Variants in CALN1 observed in about 807,000 individuals in gnomAD.
CALN1 encodes the protein calneuron 1, also known as calcium-binding protein 8.
CALN1 carries 17 observed loss-of-function variants against 30.6 expected under a neutral mutation model. That is an observed-to-expected ratio of 0.56 (90% CI 0.38 to 0.83). The LOEUF is 0.83. Among genes scored for constraint, CALN1 ranks in the 40% least tolerant of loss-of-function variants. The pLI is 0.00. For missense variants in CALN1, 291 were observed against 354.9 expected, an observed-to-expected ratio of 0.82 and a Z score of 1.45; for synonymous variants, 156 against 131.4, an observed-to-expected ratio of 1.19 and a Z score of -1.28.
intron 2 of CALN1, among the ~76,000 whole-genome samples, chr7:72,287,463 T>G (rs964112522): frequency 5.2e-5 from 4 of 76,958 alleles, no homozygotes; most frequent in Admixed American, 4.7e-4. Flanking sequence ...TTTTTTTTTT[T>G]GAGACAGAGT....
At chr7:72,346,999 AAG>A (rs539899151) in intron 2 of CALN1, among the ~76,000 whole-genome samples, 140 of 152,304 alleles carry the variant, frequency 9.2e-4, no homozygotes, top group Non-Finnish European at 1.5e-3. Flanking sequence ...GAATAGAGAA[AAG>A]AGAGTAAGAG....
intron 4 of CALN1, among the ~76,000 whole-genome samples, chr7:72,068,442 A>G (rs908455920): frequency 2.0e-5 from 3 of 152,186 alleles, no homozygotes; most frequent in Non-Finnish European, 4.4e-5. Context: ...GATTGTAATC[A>G]TGGCTTATTG....
chr7:72,093,435 T>C (rs1310594951), intron 4 of CALN1, among the ~76,000 whole-genome samples: 1 of 152,210 alleles, frequency 6.6e-6, no homozygotes, highest in Non-Finnish European at 1.5e-5. Flanking sequence ...TGAGATTGGT[T>C]TGCTTGCCTC....
the CALN1 span, among the ~76,000 whole-genome samples, chr7:72,460,919 G>A: frequency 6.6e-6 from 1 of 152,160 alleles, no homozygotes; most frequent in African/African-American, 2.4e-5. Context: ...CTGAGTCTGG[G>A]TTCAGCTCCA....
At chr7:72,088,358 T>C (rs1328767610) in intron 4 of CALN1, among the ~76,000 whole-genome samples, 2 of 152,012 alleles carry the variant, frequency 1.3e-5, no homozygotes, top group Admixed American at 6.6e-5. Context: ...AACTTAACAA[T>C]ATTAAACCCT....
chr7:72,224,943 A>T (rs2129550177), intron 3 of CALN1, among the ~76,000 whole-genome samples: 1 of 151,846 alleles, frequency 6.6e-6, no homozygotes, highest in South Asian at 2.1e-4. Context: ...ACACACAAAA[A>T]AAAAATTAGC....
At chr7:72,441,717 A>C (rs926499594) in intron 1 of CALN1, among the ~76,000 whole-genome samples, 8 of 151,504 alleles carry the variant, frequency 5.3e-5, no homozygotes, top group African/African-American at 1.9e-4. Flanking sequence ...AGAAGGAAGC[A>C]CCTCCCTCCC....
intron 5 of CALN1, among the ~76,000 whole-genome samples, chr7:71,965,313 G>A (rs563503749): frequency 6.6e-6 from 1 of 152,140 alleles, no homozygotes; most frequent in South Asian, 2.1e-4. Context: ...TGACAGGTGT[G>A]AGCCACCATG....
In CALN1 at chr7:71,821,901, C is replaced by T. The variant is rs970952853; in HGVS notation, c.502-11409G>A. 2.0e-5 allele frequency among the ~76,000 whole-genome samples: 3 copies of T among 151,616 alleles called. No homozygotes were observed. In the South Asian group the frequency reaches 6.3e-4, roughly 32 times the overall value. ...CTCCTGGGCTCAAGCAATTCTCCCACCTCAGCCTCCTGAGTAGCTGGGACT... is the reference window on the plus strand; with the variant it reads ...CTCCTGGGCTCAAGCAATTCTCCCATCTCAGCCTCCTGAGTAGCTGGGACT... On this transcript the variant is annotated intron_variant, in intron 5 of 6. Coordinates refer to ENST00000395275, the MANE Select transcript of CALN1 (RefSeq NM_031468.4).
At chr7:72,276,668 A>G (rs558048590) in intron 3 of CALN1, among the ~76,000 whole-genome samples, 1 of 152,230 alleles carries the variant, frequency 6.6e-6, no homozygotes, top group Admixed American at 6.5e-5. Flanking sequence ...CTATTATAAA[A>G]GTGAGTTTAG....
rs1207574403 is a variant in CALN1 at position 71,815,822 on chromosome 7, TCCTC to T, written c.502-5334_502-5331del. Among the ~76,000 whole-genome samples the T allele has an allele frequency of 3.0e-3, 342 of 113,556 alleles. 3 individuals are homozygous for T. The highest frequency in any genetic ancestry group is 6.5e-3 in the African/African-American group (197 of 30,190). 74.5% of individuals were successfully genotyped at this position (113,556 alleles called of 152,430 possible). The stretch of plus-strand genomic sequence containing the variant: ...ACCCTCCCGCCCTCCCTTCTTTTCT[TCCTC>T]CCTCCCTCCCTCCCTCCTTCCTTCC... On this transcript the variant is annotated intron_variant, in intron 5 of 6. Transcript: ENST00000395275.
intron 4 of CALN1, among the ~76,000 whole-genome samples, chr7:72,076,740 C>G (rs1239812009): frequency 3.4e-5 from 5 of 146,562 alleles, no homozygotes; most frequent in Non-Finnish European, 7.4e-5. Context: ...AGACTATCTC[C>G]TATCCTTTGG....
At chr7:71,791,766 T>C (rs1786563765) in intron 6 of CALN1, among the ~76,000 whole-genome samples, 1 of 152,106 alleles carries the variant, frequency 6.6e-6, no homozygotes, top group Non-Finnish European at 1.5e-5. Flanking sequence ...TCTCAGCACT[T>C]TGGGAGGCCG....
At chr7:71,874,320 G>A (rs1353295709) in intron 5 of CALN1, among the ~76,000 whole-genome samples, 3 of 145,938 alleles carry the variant, frequency 2.1e-5, no homozygotes, top group African/African-American at 7.7e-5. Context: ...TTCCCTCACC[G>A]TGTCTTAGGA....
intron 5 of CALN1, among the ~76,000 whole-genome samples, chr7:71,853,201 C>G (rs1330786385): frequency 6.6e-6 from 1 of 151,936 alleles, no homozygotes; most frequent in Non-Finnish European, 1.5e-5. Flanking sequence ...CTGAGCCTCC[C>G]AAAGTGCTGG....
chr7:72,084,903 T>C (rs1035857409), intron 4 of CALN1, among the ~76,000 whole-genome samples: 19 of 152,180 alleles, frequency 1.2e-4, no homozygotes, highest in African/African-American at 3.9e-4. Context: ...CTGCACACTG[T>C]TCTGAGTAGC....
At chr7:72,072,126 T>G (rs1804439405) in intron 4 of CALN1, among the ~76,000 whole-genome samples, 1 of 151,920 alleles carries the variant, frequency 6.6e-6, no homozygotes. Context: ...GGCTGGAAAC[T>G]CCCCCAATCT....
At chr7:71,810,614 A>C in intron 5 of CALN1, 122 bp from the exon 6 acceptor site, 1 of 911,312 alleles carries the variant, frequency 1.1e-6, no homozygotes, top group Non-Finnish European at 1.6e-6. Context: ...TCAGGATATC[A>C]GGTGAACAGT....
rs1562694018 is a variant in CALN1, at chr7:72,177,756, A to AGG, written c.245-71463_245-71462insCC. ...CTCCAGCCTGGGCGACAGAGGGAAAAAAAAAAAAAAAAAAGGACATTTGGT... is the reference window on the plus strand; with the variant it reads ...CTCCAGCCTGGGCGACAGAGGGAAAAGGAAAAAAAAAAAAAAGGACATTTGGT... On this transcript the variant is annotated intron_variant, in intron 3 of 6. Transcript: ENST00000395275. Among the ~76,000 whole-genome samples the AGG allele has an allele frequency of 7.9e-4, 120 of 151,136 alleles. 1 individual carries two copies. Among genetic ancestry groups the AGG allele is most frequent in the African/African-American group, 2.7e-3 (113 of 41,230 alleles).
Sources: gnomAD v4.1 joint callset for allele counts (sites outside exome capture counted in the v4.1 genomes callset) on GRCh38, gnomAD v4.1.1 for gene constraint, MANE v1.5 for transcripts, NCBI Gene and HGNC (gene_info 2026-07-23, HGNC 2026-07-21) for gene names.